Variants in DACH1 observed in about 807,000 individuals in gnomAD.
DACH1 encodes dachshund family transcription factor 1, also known as dachshund homolog 1.
In DACH1, 12 loss-of-function variants were observed where a neutral mutation model predicts 54.2. The observed-to-expected ratio is 0.22, with a 90% CI of 0.14 to 0.36. The LOEUF (loss-of-function observed/expected upper bound fraction) is 0.36, where lower values mean the gene tolerates loss of function less well. Ranked by LOEUF, DACH1 falls within the 10% of genes least tolerant of loss-of-function variation. DACH1 has a pLI of 1.00. For synonymous variants in DACH1, 386 were observed against 366.2 expected (o/e 1.05, Z -0.62); for missense variants, 805 against 929.8 (o/e 0.87, Z 1.75).
At chr13:71,797,332 A>C (rs1306852522) in intron 1 of DACH1, among the ~76,000 whole-genome samples, 1 of 152,058 alleles carries the variant, frequency 6.6e-6, no homozygotes, top group African/African-American at 2.4e-5. Flanking sequence ...TGATGTGATC[A>C]AAAAAATTAA....
At chr13:71,821,000 A>G (rs1333570328) in intron 1 of DACH1, among the ~76,000 whole-genome samples, 1 of 152,222 alleles carries the variant, frequency 6.6e-6, no homozygotes, top group Non-Finnish European at 1.5e-5. Flanking sequence ...ACAGAGGCCA[A>G]TAAGACAGCT....
intron 4 of DACH1, among the ~76,000 whole-genome samples, chr13:71,569,399 G>GA (rs971876542): frequency 1.3e-5 from 2 of 151,994 alleles, no homozygotes; most frequent in Admixed American, 6.6e-5. Context: ...TCTGTCCCCA[G>GA]AAAAAACTTT....
intron 1 of DACH1, among the ~76,000 whole-genome samples, chr13:71,752,170 G>A (rs755068619): frequency 6.6e-6 from 1 of 152,074 alleles, no homozygotes; most frequent in African/African-American, 2.4e-5. Context: ...CAATATAAAT[G>A]CATGTCATAG....
chr13:71,683,869 A>C (rs765840982), intron 1 of DACH1, among the ~76,000 whole-genome samples: 3 of 152,072 alleles, frequency 2.0e-5, no homozygotes, highest in African/African-American at 4.8e-5. Context: ...CAGACAGATG[A>C]ATGCTTATGT....
At chr13:71,749,737 T>A (rs1884837906) in intron 1 of DACH1, among the ~76,000 whole-genome samples, 1 of 152,142 alleles carries the variant, frequency 6.6e-6, no homozygotes, top group South Asian at 2.1e-4. Flanking sequence ...CTGTTAGTCG[T>A]TTATACCATT....
chr13:71,586,708 A>G (rs1873305888), intron 3 of DACH1, among the ~76,000 whole-genome samples: 1 of 152,132 alleles, frequency 6.6e-6, no homozygotes, highest in Admixed American at 6.6e-5. Context: ...AAAAATATAT[A>G]CATGCAGAAA....
At chr13:71,592,494 C>CAAAAAAAAAAAA (rs575364116) in intron 3 of DACH1, among the ~76,000 whole-genome samples, 16 of 32,752 alleles carry the variant, frequency 4.9e-4, no homozygotes, top group East Asian at 8.0e-4. Flanking sequence ...GACTCTATCT[C>CAAAAAAAAAAAA]AAAAAAAAAA....
At chr13:71,734,915 A>C (rs1883940365) in intron 1 of DACH1, among the ~76,000 whole-genome samples, 1 of 148,686 alleles carries the variant, frequency 6.7e-6, no homozygotes, top group South Asian at 2.1e-4. Flanking sequence ...TGTATATCCC[A>C]TATATGTATA....
At chr13:71,745,307 C>A (rs2137958858) in intron 1 of DACH1, among the ~76,000 whole-genome samples, 1 of 152,236 alleles carries the variant, frequency 6.6e-6, no homozygotes, top group South Asian at 2.1e-4. Context: ...CACACAAATA[C>A]CTTTGAAAAA....
intron 4 of DACH1, among the ~76,000 whole-genome samples, chr13:71,571,861 G>A (rs1283384924): frequency 6.6e-6 from 1 of 150,934 alleles, no homozygotes; most frequent in African/African-American, 2.4e-5. Flanking sequence ...TCAGGCTTCC[G>A]AGTAGCTGGG....
chr13:71,488,674 CAAACTT>C (rs994293041), intron 7 of DACH1, among the ~76,000 whole-genome samples: 9 of 151,446 alleles, frequency 5.9e-5, no homozygotes, highest in African/African-American at 2.2e-4. Context: ...TAAAATCAGA[CAAACTT>C]AAACAGTTAA....
At chr13:71,763,884 A>G (rs1594192211) in intron 1 of DACH1, among the ~76,000 whole-genome samples, 2 of 152,332 alleles carry the variant, frequency 1.3e-5, no homozygotes, top group Middle Eastern at 3.4e-3. Context: ...TCACCTTTTA[A>G]TAACATCCAG....
At chr13:71,510,906 A>G (rs1301755847) in intron 6 of DACH1, among the ~76,000 whole-genome samples, 1 of 152,066 alleles carries the variant, frequency 6.6e-6, no homozygotes, top group Non-Finnish European at 1.5e-5. Flanking sequence ...AATGTTGCAT[A>G]GAATTATTAT....
At chr13:71,746,362 C>A (rs954661099) in intron 1 of DACH1, among the ~76,000 whole-genome samples, 1 of 152,110 alleles carries the variant, frequency 6.6e-6, no homozygotes, top group Admixed American at 6.5e-5. Flanking sequence ...AAAGTGGAAG[C>A]TTAGAGTTTA....
At chr13:71,553,876 A>G (rs1884066028) in intron 6 of DACH1, among the ~76,000 whole-genome samples, 1 of 151,822 alleles carries the variant, frequency 6.6e-6, no homozygotes, top group Non-Finnish European at 1.5e-5. Flanking sequence ...CTGATGCTTA[A>G]GATTTCAGAC....
intron 1 of DACH1, among the ~76,000 whole-genome samples, chr13:71,773,063 TA>T (rs1885925279): frequency 6.6e-6 from 1 of 151,818 alleles, no homozygotes; most frequent in South Asian, 2.1e-4. Context: ...TGATTATCCC[TA>T]ATTCTATTAT....
At chr13:71,576,475 A>G (rs1885531192) in intron 3 of DACH1, among the ~76,000 whole-genome samples, 1 of 152,158 alleles carries the variant, frequency 6.6e-6, no homozygotes, top group African/African-American at 2.4e-5. Context: ...TCATGGGCTC[A>G]GACTATTTTC....
chr13:71,608,940 G>A (rs1875097435), intron 3 of DACH1, among the ~76,000 whole-genome samples: 1 of 152,022 alleles, frequency 6.6e-6, no homozygotes, highest in Non-Finnish European at 1.5e-5. Flanking sequence ...CATAACTGAG[G>A]AAGATAAAAC....
chr13:71,475,380 C>A (rs1877425698), intron 9 of DACH1, among the ~76,000 whole-genome samples, 171 bp from the exon 10 acceptor site: 1 of 152,094 alleles, frequency 6.6e-6, no homozygotes, highest in South Asian at 2.1e-4. Flanking sequence ...AAGATTTGAA[C>A]AGTAAGCAAT....
Sources: gnomAD v4.1 joint callset for allele counts (sites outside exome capture counted in the v4.1 genomes callset) on GRCh38, gnomAD v4.1.1 for gene constraint, MANE v1.5 for transcripts, NCBI Gene and HGNC (gene_info 2026-07-23, HGNC 2026-07-21) for gene names.